LRRC4C: variants seen among roughly 807,000 people sequenced by gnomAD.
LRRC4C encodes leucine-rich repeat-containing protein 4C.
Under a neutral mutation model 33.6 loss-of-function variants are expected in LRRC4C, and 5 were observed. The observed-to-expected ratio is 0.15, with a 90% CI of 0.08 to 0.31. The LOEUF is 0.31. Ranked by LOEUF, LRRC4C falls within the 10% of genes least tolerant of loss-of-function variation. LRRC4C has a pLI of 1.00. For missense variants in LRRC4C, 560 were observed against 796.7 expected, an observed-to-expected ratio of 0.70 and a Z score of 3.58; for synonymous variants, 329 against 302.0, an observed-to-expected ratio of 1.09 and a Z score of -0.93.
chr11:40,187,972 A>G (rs1861541611), intron 5 of LRRC4C, among the ~76,000 whole-genome samples: 1 of 152,160 alleles, frequency 6.6e-6, no homozygotes, highest in Admixed American at 6.6e-5. Context: ...GGAAGGACAG[A>G]GAATATTCAG....
intron 2 of LRRC4C, among the ~76,000 whole-genome samples, chr11:40,747,954 A>G (rs1015649090): frequency 1.3e-5 from 2 of 152,186 alleles, no homozygotes; most frequent in African/African-American, 4.8e-5. Context: ...CCCAAGAGGC[A>G]AAGAGAGAAT....
At chr11:40,909,713 C>T (rs1956582983) in intron 2 of LRRC4C, among the ~76,000 whole-genome samples, 1 of 152,060 alleles carries the variant, frequency 6.6e-6, no homozygotes, top group Admixed American at 6.5e-5. Flanking sequence ...TGACCTTCTG[C>T]CTTTGTGAGT....
At chr11:40,480,426 C>T (rs1440115) in intron 3 of LRRC4C, among the ~76,000 whole-genome samples, 76,035 of 151,596 alleles carry the variant, frequency 0.5, 19,396 homozygotes, top group East Asian at 0.73. Flanking sequence ...GGGAGCTGAA[C>T]GGTGAGTACA....
intron 3 of LRRC4C, among the ~76,000 whole-genome samples, chr11:40,389,263 T>C (rs2137431544): frequency 6.6e-6 from 1 of 152,254 alleles, no homozygotes; most frequent in African/African-American, 2.4e-5. Flanking sequence ...AGAGATATCT[T>C]AGGGCAAAAT....
At chr11:41,200,316 C>T (rs961049557) in intron 1 of LRRC4C, among the ~76,000 whole-genome samples, 7 of 152,024 alleles carry the variant, frequency 4.6e-5, no homozygotes, top group Non-Finnish European at 8.8e-5. Context: ...TCAGAAAATG[C>T]TGTGGAAGTA....
chr11:40,836,304 T>C (rs1157682361), intron 2 of LRRC4C, among the ~76,000 whole-genome samples: 1 of 152,096 alleles, frequency 6.6e-6, no homozygotes, highest in Non-Finnish European at 1.5e-5. Flanking sequence ...GAGCAAAACT[T>C]TGTGAGAGCT....
At chr11:41,238,639 T>C (rs2136525057) in intron 1 of LRRC4C, among the ~76,000 whole-genome samples, 1 of 152,318 alleles carries the variant, frequency 6.6e-6, no homozygotes, top group Non-Finnish European at 1.5e-5. Flanking sequence ...AACTTATTTG[T>C]TTTGAACATG....
chr11:41,120,980 C>A (rs1329035671), intron 1 of LRRC4C, among the ~76,000 whole-genome samples: 3 of 152,222 alleles, frequency 2.0e-5, no homozygotes, highest in South Asian at 2.1e-4. Flanking sequence ...TTTCCTGAGG[C>A]CTCCCAGTCA....
At chr11:40,761,604 A>T (rs1396052522) in intron 2 of LRRC4C, among the ~76,000 whole-genome samples, 1 of 152,180 alleles carries the variant, frequency 6.6e-6, no homozygotes, top group Non-Finnish European at 1.5e-5. Flanking sequence ...ACTGCTGAAG[A>T]CATGAAACAT....
chr11:41,432,417 T>C (rs978187014), intron 1 of LRRC4C, among the ~76,000 whole-genome samples: 77 of 152,212 alleles, frequency 5.1e-4, no homozygotes, highest in African/African-American at 1.7e-3. Flanking sequence ...CTGACAAATC[T>C]AGGTGAGGAG....
At chr11:40,196,429 C>A (rs1590678581) in intron 5 of LRRC4C, among the ~76,000 whole-genome samples, 2 of 152,310 alleles carry the variant, frequency 1.3e-5, no homozygotes, top group East Asian at 1.9e-4. Context: ...AAACCTATTG[C>A]AACATGCAAG....
At chr11:40,584,177 C>CATATATATATAGATATATATAT (rs1555109988) in intron 3 of LRRC4C, among the ~76,000 whole-genome samples, 1 of 71,282 alleles carries the variant, frequency 1.4e-5, no homozygotes, top group African/African-American at 5.1e-5. Flanking sequence ...ACGCACACTT[C>CATATATATATAGATATATATAT]ATATATATAT....
chr11:41,226,702 G>A (rs1414204509), intron 1 of LRRC4C, among the ~76,000 whole-genome samples: 1 of 148,678 alleles, frequency 6.7e-6, no homozygotes, highest in African/African-American at 2.5e-5. Flanking sequence ...CCTTGCTACT[G>A]GTCCATTCAG....
intron 3 of LRRC4C, among the ~76,000 whole-genome samples, chr11:40,579,608 C>A (rs1197564838): frequency 6.6e-6 from 1 of 152,054 alleles, no homozygotes; most frequent in Admixed American, 6.6e-5. Context: ...ATTTTCATCA[C>A]CCAAAAATGT....
At chr11:40,302,329 A>G (rs1944814347) in intron 4 of LRRC4C, among the ~76,000 whole-genome samples, 1 of 152,080 alleles carries the variant, frequency 6.6e-6, no homozygotes, top group South Asian at 2.1e-4. Context: ...ATTGAATTTC[A>G]ATTTTTTACT....
intron 3 of LRRC4C, among the ~76,000 whole-genome samples, chr11:40,414,765 A>T (rs918586623): frequency 6.6e-6 from 1 of 152,106 alleles, no homozygotes; most frequent in African/African-American, 2.4e-5. Context: ...CATCTAATTC[A>T]TGTATTCCTT....
At chr11:40,601,624 T>C (rs1960001122) in intron 3 of LRRC4C, among the ~76,000 whole-genome samples, 1 of 152,214 alleles carries the variant, frequency 6.6e-6, no homozygotes, top group Non-Finnish European at 1.5e-5. Flanking sequence ...TCATTTTGTA[T>C]CATTAAAATT....
intron 3 of LRRC4C, among the ~76,000 whole-genome samples, chr11:40,640,311 C>G (rs1262636145): frequency 1.3e-5 from 2 of 152,004 alleles, no homozygotes; most frequent in Admixed American, 6.5e-5. Context: ...TTATACAAGT[C>G]CTTTTATTTC....
intron 2 of LRRC4C, among the ~76,000 whole-genome samples, chr11:40,652,512 G>A (rs1483570646): frequency 6.6e-6 from 1 of 152,174 alleles, no homozygotes; most frequent in African/African-American, 2.4e-5. Context: ...CTCAGAGAAA[G>A]TAGTGTTTAA....
Sources: allele counts gnomAD v4.1 joint callset (sites outside exome capture counted in the v4.1 genomes callset), GRCh38; gene constraint gnomAD v4.1.1; transcripts MANE v1.5; gene names NCBI Gene and HGNC (gene_info 2026-07-23, HGNC 2026-07-21).